The following KCNIP1 variants were observed in gnomAD, a reference collection of about 807,000 sequenced individuals.
KCNIP1 encodes the protein A-type potassium channel modulatory protein KCNIP1.
KCNIP1 carries 18 observed loss-of-function variants against 33.0 expected under a neutral mutation model. The observed-to-expected ratio is 0.55, with a 90% CI of 0.38 to 0.81. KCNIP1 has a LOEUF of 0.81. Ranked by LOEUF, KCNIP1 falls within the 30% of genes least tolerant of loss-of-function variation. KCNIP1 has a pLI of 0.00. For missense variants in KCNIP1, 238 were observed against 271.6 expected, an observed-to-expected ratio of 0.88 and a Z score of 0.87; for synonymous variants, 93 against 98.3, an observed-to-expected ratio of 0.95 and a Z score of 0.32.
At chr5:170,427,077 G>T (rs1385622646) in intron 1 of KCNIP1, among the ~76,000 whole-genome samples, 2 of 152,230 alleles carry the variant, frequency 1.3e-5, no homozygotes, top group Non-Finnish European at 2.9e-5. Flanking sequence ...GGGGCTGCAG[G>T]TTCCCTGCTT....
At chr5:170,408,318 T>C (rs926880753) in intron 1 of KCNIP1, among the ~76,000 whole-genome samples, 2 of 152,168 alleles carry the variant, frequency 1.3e-5, no homozygotes, top group Non-Finnish European at 2.9e-5. Flanking sequence ...AGCAGGGCCA[T>C]TGGAGGGAGA....
intron 1 of KCNIP1, among the ~76,000 whole-genome samples, chr5:170,361,155 C>T (rs773014581): frequency 5.3e-5 from 8 of 152,214 alleles, no homozygotes; most frequent in Non-Finnish European, 7.3e-5. Context: ...TCAGGTGAGG[C>T]GGCGGTTCTT....
At chr5:170,576,150 G>A (rs996272298) in intron 1 of KCNIP1, among the ~76,000 whole-genome samples, 1 of 152,182 alleles carries the variant, frequency 6.6e-6, no homozygotes, top group Admixed American at 6.5e-5. Context: ...CTTATTCTCA[G>A]GGCTGCCAAA....
chr5:170,592,176 C>T (rs936763958), intron 1 of KCNIP1, among the ~76,000 whole-genome samples: 25 of 152,142 alleles, frequency 1.6e-4, no homozygotes, highest in Admixed American at 1.1e-3. Flanking sequence ...AGTTGTTTCT[C>T]ATTGTGGTTT....
intron 1 of KCNIP1, among the ~76,000 whole-genome samples, chr5:170,607,809 C>T (rs1006057354): frequency 3.9e-5 from 6 of 152,220 alleles, no homozygotes; most frequent in African/African-American, 1.4e-4. Context: ...GGAGGGATTC[C>T]GGAGGGCAGC....
Position 170,712,490 on chromosome 5 carries a change from A to C in KCNIP1, c.62-6268A>C, listed in dbSNP as rs1034206416. On this transcript the variant is annotated intron_variant, in intron 1 of 7. Transcript: ENST00000328939. Reference sequence around the variant, plus strand: ...GGGAATGGGGGCCTCCTGATTGTGGAGGGTATCTTATAAGCCTCTCCTCAG... The same window carrying C: ...GGGAATGGGGGCCTCCTGATTGTGGCGGGTATCTTATAAGCCTCTCCTCAG... Among the ~76,000 whole-genome samples, 5 of 152,186 alleles carry C rather than the reference A, an allele frequency of 3.3e-5. No homozygotes were observed. In the East Asian group the frequency reaches 9.7e-4, roughly 29 times the overall value.
intron 1 of KCNIP1, among the ~76,000 whole-genome samples, chr5:170,441,456 C>G (rs80024951): frequency 0.071 from 10,779 of 152,144 alleles, 505 homozygotes; most frequent in Middle Eastern, 0.14. Context: ...GCCCATGTGC[C>G]CACGTGCAGG....
intron 1 of KCNIP1, among the ~76,000 whole-genome samples, chr5:170,684,504 G>A (rs982870016): frequency 2.0e-5 from 3 of 152,300 alleles, no homozygotes; most frequent in Admixed American, 2.0e-4. Context: ...TAATACATCA[G>A]TATTTGGAAA....
intron 1 of KCNIP1, among the ~76,000 whole-genome samples, chr5:170,416,726 C>G (rs906677624): frequency 2.0e-5 from 3 of 151,810 alleles, no homozygotes; most frequent in Non-Finnish European, 4.4e-5. Context: ...AAAAGTGCAG[C>G]TCACTGCCAG....
chr5:170,419,799 C>T (rs1379837319), intron 1 of KCNIP1, among the ~76,000 whole-genome samples: 1 of 152,246 alleles, frequency 6.6e-6, no homozygotes, highest in Non-Finnish European at 1.5e-5. Context: ...ATCTGACCCT[C>T]ACAGTATCCA....
chr5:170,521,515 A>G (rs1229324345), intron 1 of KCNIP1, among the ~76,000 whole-genome samples: 1 of 152,200 alleles, frequency 6.6e-6, no homozygotes, highest in African/African-American at 2.4e-5. Flanking sequence ...AAATCATTGA[A>G]CTTTCAGAAT....
At chr5:170,597,325 G>A (rs1347940664) in intron 1 of KCNIP1, among the ~76,000 whole-genome samples, 3 of 152,200 alleles carry the variant, frequency 2.0e-5, no homozygotes, top group Non-Finnish European at 4.4e-5. Flanking sequence ...TGCTAGGGAA[G>A]GATGAGCTAT....
intron 1 of KCNIP1, among the ~76,000 whole-genome samples, chr5:170,537,282 C>G (rs1180296966): frequency 6.6e-6 from 1 of 152,184 alleles, no homozygotes; most frequent in Non-Finnish European, 1.5e-5. Flanking sequence ...GTCACCTTAC[C>G]CATCTAAGCA....
intron 1 of KCNIP1, among the ~76,000 whole-genome samples, chr5:170,630,219 ATATGT>A (rs1327018489): frequency 1.3e-5 from 2 of 152,262 alleles, no homozygotes; most frequent in African/African-American, 4.8e-5. Flanking sequence ...ACAGGACCTG[ATATGT>A]TATAAAACTC....
intron 1 of KCNIP1, among the ~76,000 whole-genome samples, chr5:170,700,737 C>T (rs1423608674): frequency 2.6e-5 from 4 of 152,174 alleles, no homozygotes; most frequent in East Asian, 3.9e-4. Context: ...GCACACTTCA[C>T]TCCTGGGACA....
At chr5:170,578,883 G>A (rs532010510) in intron 1 of KCNIP1, among the ~76,000 whole-genome samples, 66 of 152,250 alleles carry the variant, frequency 4.3e-4, no homozygotes, top group African/African-American at 1.2e-3. Context: ...GATTGGGAGC[G>A]TAAGATTCCA....
intron 1 of KCNIP1, among the ~76,000 whole-genome samples, chr5:170,387,778 T>C (rs1395618989): frequency 6.6e-6 from 1 of 152,220 alleles, no homozygotes; most frequent in Non-Finnish European, 1.5e-5. Flanking sequence ...TATTCACAGG[T>C]AAAGCAACAG....
intron 1 of KCNIP1, chr5:170,485,788 C>CCCCCAG (rs200464394): frequency 1.3e-4 from 19 of 144,928 alleles, no homozygotes; most frequent in Non-Finnish European, 2.6e-4. Flanking sequence ...AGCCCAAGGA[C>CCCCCAG]CCCCAGCCCC....
chr5:170,550,476 G>A (rs1756570590), intron 1 of KCNIP1, among the ~76,000 whole-genome samples: 1 of 152,128 alleles, frequency 6.6e-6, no homozygotes, highest in African/African-American at 2.4e-5. Flanking sequence ...TGGTGATGAT[G>A]ATGGTGATGA....
Sources: gnomAD v4.1 joint callset for allele counts (sites outside exome capture counted in the v4.1 genomes callset) on GRCh38, gnomAD v4.1.1 for gene constraint, MANE v1.5 for transcripts, NCBI Gene and HGNC (gene_info 2026-07-23, HGNC 2026-07-21) for gene names.